The following TENM4 variants were observed in gnomAD, a reference collection of about 807,000 sequenced individuals.
The protein encoded by TENM4 is teneurin transmembrane protein 4, also known as teneurin-4.
In TENM4, 82 loss-of-function variants were observed where a neutral mutation model predicts 243.3. That is an observed-to-expected ratio of 0.34 (90% CI 0.28 to 0.40). The LOEUF (loss-of-function observed/expected upper bound fraction) is 0.40, where lower values mean the gene tolerates loss of function less well. Ranked by LOEUF, TENM4 falls within the 10% of genes least tolerant of loss-of-function variation. TENM4 has a pLI of 1.00. For missense variants in TENM4, 3,138 were observed against 3,673.3 expected, an observed-to-expected ratio of 0.85 and a Z score of 3.77; for synonymous variants, 1,412 against 1,456.3, an observed-to-expected ratio of 0.97 and a Z score of 0.69.
At chr11:78,736,445 A>AGTGT (rs3223449) in intron 20 of TENM4, among the ~76,000 whole-genome samples, 12,517 of 145,004 alleles carry the variant, frequency 0.086, 907 homozygotes, top group East Asian at 0.38. Flanking sequence ...GATTTCAGCA[A>AGTGT]GTGTGTGTGT....
intron 7 of TENM4, among the ~76,000 whole-genome samples, chr11:78,894,181 A>G (rs2136303852): frequency 6.6e-6 from 1 of 152,254 alleles, no homozygotes; most frequent in Non-Finnish European, 1.5e-5. Context: ...GCATTTCAGG[A>G]GGGAACTGTC....
chr11:79,187,360 A>G (rs1341201352), intron 3 of TENM4, among the ~76,000 whole-genome samples: 2 of 152,318 alleles, frequency 1.3e-5, no homozygotes, highest in East Asian at 3.9e-4. Flanking sequence ...ACTTGCTAAC[A>G]TGGTGTCCAC....
chr11:79,077,141 C>T (rs1860552843), intron 4 of TENM4, among the ~76,000 whole-genome samples: 1 of 152,348 alleles, frequency 6.6e-6, no homozygotes, highest in South Asian at 2.1e-4. Flanking sequence ...CCCTTCTTCT[C>T]TCCTCCCCGA....
chr11:78,676,532 A>C (rs1301613286), intron 29 of TENM4, 145 bp from the exon 30 acceptor site: 1 of 513,150 alleles, frequency 1.9e-6, no homozygotes, highest in African/African-American at 1.9e-5. Flanking sequence ...AGCGAGGAAA[A>C]TACATGGAGA....
At chr11:78,852,145 C>T (rs1199202623) in intron 12 of TENM4, among the ~76,000 whole-genome samples, 2 of 152,198 alleles carry the variant, frequency 1.3e-5, no homozygotes, top group Non-Finnish European at 2.9e-5. Flanking sequence ...ATTCGGAGTC[C>T]AGCGGCTCAG....
rs1049703507 is a variant in TENM4 at position 79,412,481 on chromosome 11, T to C, written c.-321+28028A>G. On this transcript the variant is annotated intron_variant, in intron 1 of 33. Transcript: ENST00000278550. The stretch of plus-strand genomic sequence containing the variant: ...GCTAACAGTAGACTCTAGAGCTGAA[T>C]TATCTGGAATCAAGTCCCAGCTCCA... 7.2e-5 allele frequency among the ~76,000 whole-genome samples: 11 copies of C among 152,324 alleles called. 1 individual carries two copies. The highest frequency in any genetic ancestry group is 3.9e-4 in the Admixed American group (6 of 15,304).
chr11:79,400,044 T>G (rs1296685269), intron 1 of TENM4, among the ~76,000 whole-genome samples: 2 of 151,498 alleles, frequency 1.3e-5, no homozygotes, highest in Non-Finnish European at 2.9e-5. Flanking sequence ...AAATATTTGT[T>G]GATTGATTTG....
chr11:78,779,343 A>G (rs1856798863), intron 16 of TENM4, among the ~76,000 whole-genome samples: 1 of 152,232 alleles, frequency 6.6e-6, no homozygotes, highest in Admixed American at 6.5e-5. Flanking sequence ...AAAACAAGAC[A>G]AAGCAAAGAA....
intron 6 of TENM4, among the ~76,000 whole-genome samples, chr11:79,020,880 T>C (rs754588298): frequency 1.2e-4 from 19 of 152,248 alleles, no homozygotes; most frequent in South Asian, 6.2e-4. Flanking sequence ...GAGAATTCCA[T>C]AGGGAAAGAA....
At chr11:78,766,593 G>A (rs149653326) in intron 18 of TENM4, among the ~76,000 whole-genome samples, 278 of 152,184 alleles carry the variant, frequency 1.8e-3, no homozygotes, top group African/African-American at 6.5e-3. Context: ...CAGTCATCGA[G>A]TCACGTGAGG....
At chr11:79,001,287 G>A (rs777463317) in intron 6 of TENM4, among the ~76,000 whole-genome samples, 2 of 152,178 alleles carry the variant, frequency 1.3e-5, no homozygotes, top group Non-Finnish European at 2.9e-5. Flanking sequence ...TGGATCTTCA[G>A]AGGGAAGACA....
At chr11:78,779,977 C>A (rs1035945492) in intron 16 of TENM4, among the ~76,000 whole-genome samples, 1 of 152,152 alleles carries the variant, frequency 6.6e-6, no homozygotes, top group African/African-American at 2.4e-5. Flanking sequence ...TCCGTGTGGT[C>A]TCTGGTTCAA....
At chr11:79,271,512 C>T (rs898141079) in intron 2 of TENM4, among the ~76,000 whole-genome samples, 4 of 152,220 alleles carry the variant, frequency 2.6e-5, no homozygotes, top group African/African-American at 4.8e-5. Context: ...CCCAGGGCCA[C>T]AGTGGGTAAA....
chr11:79,328,697 G>A (rs935253322), intron 1 of TENM4, among the ~76,000 whole-genome samples: 11 of 152,146 alleles, frequency 7.2e-5, no homozygotes, highest in African/African-American at 2.7e-4. Flanking sequence ...CTTCTACAAC[G>A]TGCCCGCTTC....
intron 25 of TENM4, among the ~76,000 whole-genome samples, chr11:78,718,284 G>A (rs1240006712): frequency 6.8e-6 from 1 of 148,018 alleles, no homozygotes; most frequent in African/African-American, 2.4e-5. Context: ...GGCAGAAAGT[G>A]ATTCATTTTT....
chr11:79,080,548 T>C (rs536326059), intron 4 of TENM4, among the ~76,000 whole-genome samples: 71 of 152,138 alleles, frequency 4.7e-4, no homozygotes, highest in Non-Finnish European at 8.2e-4. Flanking sequence ...TTGACTGGAA[T>C]CCACTGGAAG....
At chr11:79,113,392 GGTGTGTGT>G (rs113144339) in intron 4 of TENM4, among the ~76,000 whole-genome samples, 21 of 145,082 alleles carry the variant, frequency 1.4e-4, no homozygotes, top group African/African-American at 5.1e-4. Flanking sequence ...CTATTGGATT[GGTGTGTGT>G]GTGTGTGTGT....
intron 4 of TENM4, among the ~76,000 whole-genome samples, chr11:79,131,482 G>C (rs546536126): frequency 6.6e-6 from 1 of 152,338 alleles, no homozygotes; most frequent in East Asian, 1.9e-4. Flanking sequence ...CAAATACTAA[G>C]AGAATTTGCC....
At chr11:79,259,700 T>TC (rs1855764138) in intron 2 of TENM4, among the ~76,000 whole-genome samples, 2 of 142,500 alleles carry the variant, frequency 1.4e-5, no homozygotes, top group African/African-American at 5.7e-5. Flanking sequence ...CATCCATCCA[T>TC]CCATGCACAC....
Sources: gnomAD v4.1 joint callset for allele counts (sites outside exome capture counted in the v4.1 genomes callset) on GRCh38, gnomAD v4.1.1 for gene constraint, MANE v1.5 for transcripts, NCBI Gene and HGNC (gene_info 2026-07-23, HGNC 2026-07-21) for gene names.